ARSB: variants seen among roughly 807,000 people sequenced by gnomAD.
ARSB encodes N-acetylgalactosamine-4-sulfatase.
In ARSB, 41 loss-of-function variants were observed where a neutral mutation model predicts 50.9. The ratio of observed to expected loss-of-function variants is 0.81; its 90% CI spans 0.63 to 1.04. The LOEUF (loss-of-function observed/expected upper bound fraction) is 1.04, where lower values mean the gene tolerates loss of function less well. Among genes scored for constraint, ARSB ranks in the 50% least tolerant of loss-of-function variants. ARSB has a pLI of 0.00. For synonymous variants in ARSB, 269 were observed against 284.8 expected, an observed-to-expected ratio of 0.94 and a Z score of 0.56; for missense variants, 672 against 693.3, an observed-to-expected ratio of 0.97 and a Z score of 0.35.
chr5:78,953,349 A>G (rs426586), intron 4 of ARSB, among the ~76,000 whole-genome samples: 72,031 of 152,126 alleles, frequency 0.47, 17,122 homozygotes, highest in African/African-American at 0.56. Flanking sequence ...GCCTGGCTGC[A>G]TGACCTGGGG....
At chr5:78,953,559 G>A (rs186676491) in intron 4 of ARSB, among the ~76,000 whole-genome samples, 28 of 152,210 alleles carry the variant, frequency 1.8e-4, no homozygotes, top group East Asian at 1.3e-3. Context: ...AAAACAACTC[G>A]TGAAAAAACA....
chr5:78,961,737 T>C (rs941358936), intron 3 of ARSB, among the ~76,000 whole-genome samples: 2 of 152,032 alleles, frequency 1.3e-5, no homozygotes, highest in Non-Finnish European at 2.9e-5. Context: ...GTATGGCAGA[T>C]TGTGAACCTG....
intron 6 of ARSB, among the ~76,000 whole-genome samples, chr5:78,833,593 TG>T (rs1246284841): frequency 1.3e-5 from 2 of 152,068 alleles, no homozygotes; most frequent in Non-Finnish European, 1.5e-5. Flanking sequence ...GAGCTAGGGT[TG>T]GGGCACTGAG....
intron 1 of ARSB, among the ~76,000 whole-genome samples, chr5:78,976,044 A>T (rs540400853): frequency 2.6e-5 from 4 of 152,138 alleles, no homozygotes; most frequent in Non-Finnish European, 5.9e-5. Context: ...TTTTAAATTA[A>T]TATTTTTAAT....
chr5:78,879,541 T>C (rs997489118), intron 5 of ARSB, among the ~76,000 whole-genome samples: 1 of 152,230 alleles, frequency 6.6e-6, no homozygotes, highest in Non-Finnish European at 1.5e-5. Flanking sequence ...GACAACTGTT[T>C]TTCATCCGTT....
intron 5 of ARSB, among the ~76,000 whole-genome samples, chr5:78,862,797 C>CT (rs1283734256): frequency 6.6e-6 from 1 of 152,168 alleles, no homozygotes; most frequent in African/African-American, 2.4e-5. Context: ...CAAAAAGAAA[C>CT]TACCATCAAA....
chr5:78,851,672 CTAT>C (rs1342622383), intron 5 of ARSB, among the ~76,000 whole-genome samples: 1 of 152,058 alleles, frequency 6.6e-6, no homozygotes, highest in Non-Finnish European at 1.5e-5. Context: ...TTAAAGTCTC[CTAT>C]TATTATTGTG....
At chr5:78,956,618 T>A (rs1477697217) in intron 3 of ARSB, among the ~76,000 whole-genome samples, 1 of 152,050 alleles carries the variant, frequency 6.6e-6, no homozygotes, top group Admixed American at 6.5e-5. Flanking sequence ...ATGGACCTAA[T>A]CCAAACAAAT....
intron 4 of ARSB, among the ~76,000 whole-genome samples, chr5:78,917,738 C>T (rs140413408): frequency 4.1e-4 from 63 of 152,318 alleles, no homozygotes; most frequent in African/African-American, 1.1e-3. Context: ...GTCTCGAATT[C>T]CTAACCTCAA....
In ARSB at chr5:78,985,186, G is replaced by C. The variant is rs1221636759; in HGVS notation, c.63C>G (p.Pro21=). 1 of 1,412,110 alleles carries C rather than the reference G, an allele frequency of 7.1e-7. No homozygotes were observed. Among genetic ancestry groups the C allele is most frequent in the Non-Finnish European group, 9.2e-7 (1 of 1,084,304 alleles). The allele number at this position is 1,412,110 out of a possible 1,614,324, so 87.5% of individuals were successfully genotyped here. ...RGPGPRRLLL[P]VVLPLLLLLL... ...GCAGCAGCAGCAGCGGGAGGACGACGGGGAGGAGCAGCCGCCGAGGTCCGG... is the reference window on the plus strand; with the variant it reads ...GCAGCAGCAGCAGCGGGAGGACGACCGGGAGGAGCAGCCGCCGAGGTCCGG... The change falls in exon 1 of 8, where the codon CCC becomes CCG. Residue 21 remains proline (P), a synonymous_variant. Transcript: ENST00000264914.
At position 78,864,098 on chromosome 5, in the gene ARSB, A is replaced by G. The variant is rs571655803; in HGVS notation, c.1142+21486T>C. ...TGAAGTGAGGAAACAACCCTCTGAGACCTGAAGAGTCAGGACTGGTACCCA... is the reference window on the plus strand; with the variant it reads ...TGAAGTGAGGAAACAACCCTCTGAGGCCTGAAGAGTCAGGACTGGTACCCA... On this transcript the variant is annotated intron_variant, in intron 5 of 7. Coordinates refer to ENST00000264914, the MANE Select transcript of ARSB (RefSeq NM_000046.5). 3.3e-5 allele frequency among the ~76,000 whole-genome samples: 5 copies of G among 152,022 alleles called. No individual in the cohort carries two copies. In the South Asian group the frequency reaches 8.3e-4, roughly 25 times the overall value.
At chr5:78,845,551 A>C (rs1745409493) in intron 5 of ARSB, among the ~76,000 whole-genome samples, 1 of 151,952 alleles carries the variant, frequency 6.6e-6, no homozygotes, top group Non-Finnish European at 1.5e-5. Flanking sequence ...TTATTTTTTA[A>C]CTTTTTGATA....
chr5:78,848,978 T>C (rs1181235555), intron 5 of ARSB, among the ~76,000 whole-genome samples: 4 of 152,232 alleles, frequency 2.6e-5, no homozygotes, highest in African/African-American at 9.7e-5. Flanking sequence ...CTTTGTCAGA[T>C]GAGTAGATTG....
At chr5:78,938,852 G>C (rs1184339736) in intron 4 of ARSB, among the ~76,000 whole-genome samples, 1 of 152,142 alleles carries the variant, frequency 6.6e-6, no homozygotes, top group Non-Finnish European at 1.5e-5. Context: ...GCAATAAATT[G>C]CTCTATTTGT....
At chr5:78,874,112 G>A (rs1008312129) in intron 5 of ARSB, among the ~76,000 whole-genome samples, 2 of 152,132 alleles carry the variant, frequency 1.3e-5, no homozygotes, top group Middle Eastern at 3.2e-3. Flanking sequence ...TGGGACAAGG[G>A]TTTTATTTTA....
rs74681910 is a variant in ARSB, at chr5:78,858,554, T to A, written c.1143-19128A>T. Among the ~76,000 whole-genome samples, 8 of 152,222 alleles carry A rather than the reference T, an allele frequency of 5.3e-5. No homozygotes were observed. In the East Asian group the frequency reaches 1.5e-3, roughly 29 times the overall value. On this transcript the variant is annotated intron_variant, in intron 5 of 7. Transcript: ENST00000264914. ...AGTTGAAGGGTGGGGCAACAAAACA[T>A]TTCCCATAAATAAATGAAATGGTAT...
intron 4 of ARSB, among the ~76,000 whole-genome samples, chr5:78,951,213 T>C (rs1212854844): frequency 6.6e-6 from 1 of 152,170 alleles, no homozygotes; most frequent in African/African-American, 2.4e-5. Flanking sequence ...ACCCTATCTT[T>C]ATTTTTTTAT....
rs368304283 is a variant in ARSB at position 78,971,165 on chromosome 5, A to G, written c.313-1973T>C. Among the ~76,000 whole-genome samples, 43 of 152,344 alleles carry G rather than the reference A, an allele frequency of 2.8e-4. 1 individual carries two copies. The highest frequency in any genetic ancestry group is 1.0e-3 in the African/African-American group (42 of 41,580). On this transcript the variant is annotated intron_variant, in intron 1 of 7. Coordinates refer to ENST00000264914, the MANE Select transcript of ARSB (RefSeq NM_000046.5). ...GCCCAGAACCCAGTTTGGCCCTGTC[A>G]CAGCTCTTGTGCTGGTGGGTGCCAC...
At chr5:78,846,974 T>C (rs1745473920) in intron 5 of ARSB, among the ~76,000 whole-genome samples, 2 of 152,332 alleles carry the variant, frequency 1.3e-5, no homozygotes, top group African/African-American at 2.4e-5. Flanking sequence ...TGTTGAATTG[T>C]ATCAAATCCT....
Sources: allele counts gnomAD v4.1 joint callset (sites outside exome capture counted in the v4.1 genomes callset), GRCh38; gene constraint gnomAD v4.1.1; transcripts MANE v1.5; gene names NCBI Gene and HGNC (gene_info 2026-07-23, HGNC 2026-07-21).